Variants in SUGP1 observed in about 807,000 individuals in gnomAD.
SUGP1 encodes the protein SURP and G-patch domain containing 1.
A neutral mutation model predicts 76.5 loss-of-function variants in SUGP1; 34 were observed. The ratio of observed to expected loss-of-function variants is 0.44; its 90% CI spans 0.34 to 0.59. The LOEUF (loss-of-function observed/expected upper bound fraction) is 0.59. SUGP1 is among the 20% of genes least tolerant of loss of function. The probability of loss-of-function intolerance (pLI) is 0.01; values close to 1 mark genes in which losing one functional copy is unlikely to be tolerated. For synonymous variants in SUGP1, 326 were observed against 326.2 expected (o/e 1.00, Z 0.01); for missense variants, 752 against 851.7 (o/e 0.88, Z 1.46).
chr19:19,283,076 CAA>C (rs34368040), intron 8 of SUGP1, among the ~76,000 whole-genome samples: 3 of 130,850 alleles, frequency 2.3e-5, no homozygotes, highest in Non-Finnish European at 5.1e-5. Context: ...GACTCCATCT[CAA>C]AAAAAAAAAA....
intron 12 of SUGP1, 80 bp from the exon 13 acceptor site, chr19:19,277,156 A>T (rs2061057172): frequency 2.9e-6 from 4 of 1,395,652 alleles, no homozygotes; most frequent in Non-Finnish European, 2.9e-6. Context: ...GGCTCTCAAC[A>T]GCACCTCCCG....
chr19:19,320,426 C>A, intron 1 of SUGP1, 37 bp downstream of exon 1: 3 of 1,605,788 alleles, frequency 1.9e-6, no homozygotes, highest in Non-Finnish European at 2.5e-6. Flanking sequence ...GCCCCAGGGA[C>A]CCAGGCGGCC....
At chr19:19,301,405 G>C (rs561983381) in intron 7 of SUGP1, among the ~76,000 whole-genome samples, 3 of 152,062 alleles carry the variant, frequency 2.0e-5, no homozygotes, top group Non-Finnish European at 4.4e-5. Flanking sequence ...CACTGCCCTC[G>C]TCTGCCTGGA....
Position 19,279,359 on chromosome 19 carries a change from T to G in SUGP1, c.1382A>C (p.His461Pro). 1 of 1,609,290 alleles carries G rather than the reference T, an allele frequency of 6.2e-7. No homozygotes were observed. Among genetic ancestry groups the G allele is most frequent in the Non-Finnish European group, 8.5e-7 (1 of 1,179,612 alleles). ...MQQMYDMIMQHKRAMQDMQLL... is the reference protein window; with the variant it reads ...MQQMYDMIMQPKRAMQDMQLL... ...CTGCATGTCCTGCATGGCCCGCTTG[T>G]GCTGCATGATCATGTCGTACATCTG... is the stretch of plus-strand genomic sequence containing the variant. Residue 461 changes from histidine (H) to proline (P), a missense_variant, in exon 10 of 14, where the codon CAC (histidine) becomes CCC (proline). Physicochemically the swap from His to Pro is moderately conservative, Grantham distance 77. Around this residue, in one of 2 missense-constraint regions of SUGP1, gnomAD observed 620 missense variants for 617.3 expected, o/e 1.00. Coordinates refer to ENST00000247001, the MANE Select transcript of SUGP1 (RefSeq NM_172231.4).
intron 1 of SUGP1, among the ~76,000 whole-genome samples, chr19:19,318,975 T>C (rs2061415515): frequency 6.6e-6 from 1 of 152,158 alleles, no homozygotes; most frequent in Admixed American, 6.6e-5. Context: ...TCCCAGCACC[T>C]GGGAGGCTGA....
chr19:19,276,525 A>G lies in SUGP1; in HGVS notation c.*123T>C. 1 of 1,188,394 alleles carries G rather than the reference A, an allele frequency of 8.4e-7. No homozygotes were observed. Among genetic ancestry groups the G allele is most frequent in the Non-Finnish European group, 1.2e-6 (1 of 814,076 alleles). 73.6% of individuals were successfully genotyped at this position (1,188,394 alleles called of 1,614,324 possible). On this transcript the variant is annotated 3_prime_UTR_variant, in exon 14 of 14. Coordinates refer to ENST00000247001, the MANE Select transcript of SUGP1 (RefSeq NM_172231.4). ...GACCAGGCATCTGTGGTGGATGAGCACTGGGACTTTATTACACGGCACGGC... is the reference window on the plus strand; with the variant it reads ...GACCAGGCATCTGTGGTGGATGAGCGCTGGGACTTTATTACACGGCACGGC...
chr19:19,276,556 T>C lies in SUGP1; in HGVS notation c.*92A>G. On this transcript the variant is annotated 3_prime_UTR_variant, in exon 14 of 14. Transcript: ENST00000247001. ...ACTTTATTACACGGCACGGCACTCG[T>C]GACAACGGAAGGGGTGGGCAGAAAT... 6.6e-7 allele frequency: 1 copy of C among 1,524,454 alleles called. No individual in the cohort carries two copies. The highest frequency in any genetic ancestry group is 1.4e-5 in the African/African-American group (1 of 73,168). 94.4% of individuals were successfully genotyped at this position (1,524,454 alleles called of 1,614,324 possible). A position where few individuals can be genotyped will look rare whatever the true frequency, so the allele number is the denominator to read the frequency against.
intron 8 of SUGP1, among the ~76,000 whole-genome samples, chr19:19,282,092 G>A (rs1380920699): frequency 6.6e-6 from 1 of 152,270 alleles, no homozygotes; most frequent in South Asian, 2.1e-4. Context: ...CAATTCTCCT[G>A]CCTCAGCCTC....
chr19:19,309,126 C>A (rs966117709), intron 3 of SUGP1, among the ~76,000 whole-genome samples: 1 of 152,040 alleles, frequency 6.6e-6, no homozygotes, highest in African/African-American at 2.4e-5. Flanking sequence ...CTCGGCCTCC[C>A]AAAGTGCTGG....
chr19:19,276,099 G>A lies in SUGP1; in HGVS notation c.*549C>T, dbSNP rs2061047662. The A allele has an allele frequency of 6.4e-6, 1 of 156,428 alleles. No homozygotes were observed. Among genetic ancestry groups the A allele is most frequent in the African/African-American group, 2.4e-5 (1 of 41,468 alleles). 9.7% of individuals were successfully genotyped at this position (156,428 alleles called of 1,614,324 possible). ...AGACAGAGTCTTGCTCTCTTGCCCA[G>A]GCTGGAGTGCAAAGGCGCAATCTTG... On this transcript the variant is annotated 3_prime_UTR_variant, in exon 14 of 14. Coordinates refer to ENST00000247001, the MANE Select transcript of SUGP1 (RefSeq NM_172231.4).
chr19:19,304,680 C>T (rs762187792), intron 4 of SUGP1, among the ~76,000 whole-genome samples: 3 of 152,186 alleles, frequency 2.0e-5, no homozygotes, highest in Non-Finnish European at 2.9e-5. Context: ...ACTACACAGA[C>T]TGCAGTCCTT....
At chr19:19,278,460 T>C (rs2061071113) in intron 11 of SUGP1, among the ~76,000 whole-genome samples, 1 of 151,980 alleles carries the variant, frequency 6.6e-6, no homozygotes, top group Admixed American at 6.6e-5. Flanking sequence ...GGAAGCAAAA[T>C]TTCCCCCGCA....
At chr19:19,300,364 C>A (rs1481179234) in intron 7 of SUGP1, among the ~76,000 whole-genome samples, 1 of 151,654 alleles carries the variant, frequency 6.6e-6, no homozygotes, top group Non-Finnish European at 1.5e-5. Context: ...GCGTGAGCCA[C>A]CGCACCAGGC....
intron 8 of SUGP1, among the ~76,000 whole-genome samples, chr19:19,289,421 G>A (rs888070570): frequency 1.3e-5 from 2 of 151,842 alleles, no homozygotes; most frequent in African/African-American, 4.8e-5. Context: ...AGCCTGCATG[G>A]TGAAATCCCA....
intron 8 of SUGP1, among the ~76,000 whole-genome samples, chr19:19,285,118 C>T (rs1204011730): frequency 2.0e-5 from 3 of 151,972 alleles, no homozygotes; most frequent in Non-Finnish European, 4.4e-5. Flanking sequence ...CCGCCCGCCT[C>T]GGCCTCCCAA....
At chr19:19,305,009 C>A (rs565354815) in intron 4 of SUGP1, among the ~76,000 whole-genome samples, 1 of 152,132 alleles carries the variant, frequency 6.6e-6, no homozygotes, top group African/African-American at 2.4e-5. Flanking sequence ...ATGGCCAATA[C>A]CCCTTGTAAT....
chr19:19,310,662 G>A (rs889239652), intron 2 of SUGP1, among the ~76,000 whole-genome samples: 6 of 151,818 alleles, frequency 4.0e-5, no homozygotes, highest in South Asian at 2.1e-4. Context: ...CTATCTATCC[G>A]AAACAGAGTT....
At chr19:19,302,716 G>A (rs973161467) in intron 6 of SUGP1, among the ~76,000 whole-genome samples, 1 of 152,178 alleles carries the variant, frequency 6.6e-6, no homozygotes, top group Non-Finnish European at 1.5e-5. Flanking sequence ...AGGGGGTGCT[G>A]TTGGGCCTCC....
chr19:19,319,082 T>C (rs1768682888), intron 1 of SUGP1, among the ~76,000 whole-genome samples: 1 of 151,910 alleles, frequency 6.6e-6, no homozygotes, highest in African/African-American at 2.4e-5. Context: ...ACTGGCCAGG[T>C]GCGGTGGCCG....
Sources: allele counts gnomAD v4.1 joint callset (sites outside exome capture counted in the v4.1 genomes callset), GRCh38; gene constraint gnomAD v4.1.1; regional missense constraint gnomAD v4.1.1; transcripts MANE v1.5; gene names NCBI Gene and HGNC (gene_info 2026-07-23, HGNC 2026-07-21).